Variants in FRY observed in about 807,000 individuals in gnomAD.
FRY encodes FRY microtubule binding protein, also known as protein furry homolog.
A neutral mutation model predicts 348.4 loss-of-function variants in FRY; 128 were observed. The observed-to-expected ratio is 0.37, with a 90% CI of 0.32 to 0.43. The LOEUF is 0.43. FRY is among the 20% of genes least tolerant of loss of function. The probability of loss-of-function intolerance (pLI) is 1.00; values close to 1 mark genes in which losing one functional copy is unlikely to be tolerated. For synonymous variants in FRY, 1,370 were observed against 1,374.7 expected (o/e 1.00, Z 0.08); for missense variants, 2,736 against 3,695.2 (o/e 0.74, Z 6.73).
At chr13:32,048,474 TA>T in intron 1 of FRY, among the ~76,000 whole-genome samples, 1 of 152,246 alleles carries the variant, frequency 6.6e-6, no homozygotes, top group Non-Finnish European at 1.5e-5. Flanking sequence ...TTTATTTGTA[TA>T]ATGATCAGCC....
intron 31 of FRY, among the ~76,000 whole-genome samples, chr13:32,205,021 GGCGAAACCCTGTC>G (rs1884270805): frequency 6.6e-6 from 1 of 152,100 alleles, no homozygotes; most frequent in African/African-American, 2.4e-5. Flanking sequence ...TGGCCAACAT[GGCGAAACCCTGTC>G]TCTACTAAAA....
rs1239456007 is a variant in FRY, at chr13:32,140,990, G to C, written c.1179+4018G>C. Among the ~76,000 whole-genome samples, 3 of 152,146 alleles carry C rather than the reference G, an allele frequency of 2.0e-5. No individual in the cohort carries two copies. In the East Asian group the frequency reaches 5.8e-4, roughly 29 times the overall value. ...TTAAATACCAAATTTAAATGGTATA[G>C]TATAGCTATTTTAATTATTAATTTT... On this transcript the variant is annotated intron_variant, in intron 11 of 60. Coordinates refer to ENST00000542859, the MANE Select transcript of FRY (RefSeq NM_023037.3).
In FRY at chr13:32,239,278, C is replaced by T. The variant is rs1265192177; in HGVS notation, c.6445C>T (p.Leu2149=). 1 of 1,609,086 alleles carries T rather than the reference C, an allele frequency of 6.2e-7. No homozygotes were observed. The highest frequency in any genetic ancestry group is 2.2e-5 in the East Asian group (1 of 44,876). ...GTTTCCACTGAATGTCTTGTGTCTC[C>T]TGCCTCAGCTGATTCAGCATTTTGA... The part of the protein sequence containing the change: ...IGFPLNVLCL[L]PQLIQHFENP... Residue 2149 remains leucine, a synonymous_variant, in exon 45 of 61, where the codon CTG becomes TTG. Transcript: ENST00000542859. This position sits in a 1 kb window ranked among gnomAD's most constrained non-coding sequence, Gnocchi z 4.3.
At position 32,185,060 on chromosome 13, in the gene FRY, A is replaced by G. The variant is rs1882951017; in HGVS notation, c.3231A>G (p.Glu1077=). The part of the protein sequence containing the change: ...EYVDLTRMLL[E]AENDKEVEIL... ...TGGACTTGACCCGCATGCTCCTAGAAGCTGAAAATGACAAAGAAGTTGAAA... is the reference window on the plus strand; with the variant it reads ...TGGACTTGACCCGCATGCTCCTAGAGGCTGAAAATGACAAAGAAGTTGAAA... Residue 1077 remains glutamate, a synonymous_variant, in exon 26 of 61, where the codon GAA becomes GAG. Coordinates refer to ENST00000542859, the MANE Select transcript of FRY (RefSeq NM_023037.3). 1 of 1,613,870 alleles carries G rather than the reference A, an allele frequency of 6.2e-7. No homozygotes were observed. Among genetic ancestry groups the G allele is most frequent in the Admixed American group, 1.7e-5 (1 of 60,014 alleles).
intron 3 of FRY, among the ~76,000 whole-genome samples, chr13:32,104,556 T>A (rs1877411999): frequency 6.6e-6 from 1 of 152,184 alleles, no homozygotes. Context: ...CATAGGATTG[T>A]CCTCTGATCA....
chr13:32,161,256 G>A lies in FRY; in HGVS notation c.1892+5G>A. On this transcript the variant is annotated splice_donor_5th_base_variant and intron_variant, in intron 17 of 60. Transcript: ENST00000542859. The stretch of plus-strand genomic sequence containing the variant: ...ACTTATTGACTTACTGGCTAGGTAG[G>A]TGAGAATATTATTTGGCCAAAATTA... 6.4e-7 allele frequency: 1 copy of A among 1,551,424 alleles called. No individual in the cohort carries two copies. The highest frequency in any genetic ancestry group is 8.9e-7 in the Non-Finnish European group (1 of 1,122,726).
intron 55 of FRY, among the ~76,000 whole-genome samples, chr13:32,271,096 C>T (rs889615146): frequency 6.6e-6 from 1 of 152,162 alleles, no homozygotes; most frequent in African/African-American, 2.4e-5. Flanking sequence ...CTTTCTCCAC[C>T]CTCTACCTGC....
chr13:32,277,332 A>G (rs1156543181), intron 57 of FRY, among the ~76,000 whole-genome samples: 1 of 152,356 alleles, frequency 6.6e-6, no homozygotes, highest in East Asian at 1.9e-4. Context: ...CTTGGTAATA[A>G]TAACTAATTT....
At chr13:32,252,722 T>C (rs1463110453) in intron 50 of FRY, among the ~76,000 whole-genome samples, 1 of 152,138 alleles carries the variant, frequency 6.6e-6, no homozygotes, top group Non-Finnish European at 1.5e-5. Context: ...ATGGATCTAC[T>C]AACACATAGT....
chr13:32,126,474 TTGCCAATGGTGGC>T, intron 7 of FRY, among the ~76,000 whole-genome samples: 1 of 152,374 alleles, frequency 6.6e-6, no homozygotes, highest in Non-Finnish European at 1.5e-5. Flanking sequence ...CAGTGTTTGC[TTGCCAATGGTGGC>T]TTTTTTTATT....
chr13:32,175,707 T>C (rs1026548065), intron 20 of FRY, 75 bp downstream of exon 20: 4 of 881,610 alleles, frequency 4.5e-6, no homozygotes, highest in African/African-American at 1.6e-5. Context: ...TGAAAAATTA[T>C]GTGGAATAAT....
At chr13:32,106,097 T>G (rs1877531100) in intron 3 of FRY, among the ~76,000 whole-genome samples, 1 of 148,052 alleles carries the variant, frequency 6.8e-6, no homozygotes, top group African/African-American at 2.4e-5. Context: ...TATACTAACA[T>G]TAAATATAAT....
At chr13:32,116,668 G>A (rs1235639323) in intron 3 of FRY, among the ~76,000 whole-genome samples, 1 of 151,998 alleles carries the variant, frequency 6.6e-6, no homozygotes, top group African/African-American at 2.4e-5. Flanking sequence ...GGATTGAAGT[G>A]TTTTTTTATA....
chr13:32,097,345 T>A (rs1876804901), intron 2 of FRY, among the ~76,000 whole-genome samples: 1 of 149,910 alleles, frequency 6.7e-6, no homozygotes. Context: ...GCTACTCTAG[T>A]ACAGAACCTT....
intron 16 of FRY, among the ~76,000 whole-genome samples, chr13:32,159,950 G>T (rs1386613215): frequency 6.6e-6 from 1 of 152,074 alleles, no homozygotes; most frequent in Non-Finnish European, 1.5e-5. Flanking sequence ...AAGCTCTATG[G>T]ATGACAAAAG....
At chr13:32,240,187 A>T (rs929750039) in intron 46 of FRY, among the ~76,000 whole-genome samples, 4 of 152,238 alleles carry the variant, frequency 2.6e-5, no homozygotes, top group Admixed American at 1.3e-4. Flanking sequence ...TCACAACAGC[A>T]CAGTGATGTA....
intron 1 of FRY, among the ~76,000 whole-genome samples, chr13:32,042,388 A>T (rs1047980250): frequency 6.6e-6 from 1 of 152,188 alleles, no homozygotes; most frequent in African/African-American, 2.4e-5. Flanking sequence ...CCATTTAGTA[A>T]TTTGAAATGG....
intron 51 of FRY, among the ~76,000 whole-genome samples, chr13:32,260,675 G>A (rs1887583796): frequency 6.7e-6 from 1 of 149,200 alleles, no homozygotes; most frequent in African/African-American, 2.5e-5. Context: ...AAGAGTTCAA[G>A]ACCAGCCTGG....
intron 1 of FRY, among the ~76,000 whole-genome samples, chr13:32,048,127 G>A (rs147114912): frequency 2.0e-5 from 3 of 152,180 alleles, no homozygotes; most frequent in African/African-American, 7.2e-5. Context: ...CACATCTTAG[G>A]GCACATTGGC....
Sources: gnomAD v4.1 joint callset for allele counts (sites outside exome capture counted in the v4.1 genomes callset) on GRCh38, gnomAD v4.1.1 for gene constraint, Gnocchi (gnomAD v3.1) non-coding constraint, MANE v1.5 for transcripts, NCBI Gene and HGNC (gene_info 2026-07-23, HGNC 2026-07-21) for gene names.